TRIM24: variants seen among roughly 807,000 people sequenced by gnomAD.
TRIM24 encodes transcription intermediary factor 1-alpha.
A neutral mutation model predicts 123.9 loss-of-function variants in TRIM24; 29 were observed. The ratio of observed to expected loss-of-function variants is 0.23; its 90% CI spans 0.17 to 0.32. The LOEUF (loss-of-function observed/expected upper bound fraction) is 0.32, where lower values mean the gene tolerates loss of function less well. TRIM24 is among the 10% of genes least tolerant of loss of function. The pLI is 1.00. For synonymous variants in TRIM24, 456 were observed against 461.1 expected, an observed-to-expected ratio of 0.99 and a Z score of 0.14; for missense variants, 932 against 1,295.3, an observed-to-expected ratio of 0.72 and a Z score of 4.31.
rs1212041547 is a variant in TRIM24, at chr7:138,588,396, G to A, written c.*3445G>A. The A allele has an allele frequency of 6.6e-6, 1 of 152,192 alleles. No homozygotes were observed. Among genetic ancestry groups the A allele is most frequent in the Non-Finnish European group, 1.5e-5 (1 of 68,054 alleles). The allele number at this position is 152,192 out of a possible 1,614,324, so 9.4% of individuals were successfully genotyped here. On this transcript the variant is annotated 3_prime_UTR_variant, in exon 19 of 19. Coordinates refer to ENST00000343526, the MANE Select transcript of TRIM24 (RefSeq NM_015905.3). Reference sequence around the variant, plus strand: ...ATGAGAGAAATTGAGTGATCTGATTGGCCATTAAAATTATGGTGAATGGGT... The same window carrying A: ...ATGAGAGAAATTGAGTGATCTGATTAGCCATTAAAATTATGGTGAATGGGT...
At chr7:138,582,359 G>C (rs1374011836) in intron 17 of TRIM24, among the ~76,000 whole-genome samples, 1 of 152,016 alleles carries the variant, frequency 6.6e-6, no homozygotes, top group African/African-American at 2.4e-5. Flanking sequence ...TGGCTAACAC[G>C]GTGAAACCCC....
chr7:138,577,626 G>A (rs1240449241), intron 14 of TRIM24, 38 bp downstream of exon 14: 8 of 1,468,204 alleles, frequency 5.4e-6, no homozygotes, highest in African/African-American at 1.4e-5. Flanking sequence ...CCTATGCATG[G>A]TGGGTAGGGT....
At chr7:138,582,680 T>C (rs1270477383) in intron 17 of TRIM24, among the ~76,000 whole-genome samples, 1 of 151,462 alleles carries the variant, frequency 6.6e-6, no homozygotes, top group Non-Finnish European at 1.5e-5. Context: ...GATTGCGCCA[T>C]TGCTCTCCAG....
At chr7:138,561,723 T>G (rs1049481473) in intron 9 of TRIM24, among the ~76,000 whole-genome samples, 1 of 152,170 alleles carries the variant, frequency 6.6e-6, no homozygotes, top group African/African-American at 2.4e-5. Flanking sequence ...CAATTCCTTT[T>G]CACTCATGGA....
rs1163065664 is a variant in TRIM24 at position 138,528,790 on chromosome 7, C to G, written c.882-326C>G. ...CCTTTTTGGTCCACCCCCACCCCCC[C>G]CCCCATCCTTTTAGGTAGAGCATTG... On this transcript the variant is annotated intron_variant, in intron 5 of 18. Transcript: ENST00000343526. Among the ~76,000 whole-genome samples the G allele has an allele frequency of 4.4e-5, 5 of 114,402 alleles. 1 individual carries two copies. The highest frequency in any genetic ancestry group is 3.6e-4 in the South Asian group (1 of 2,758). 75.1% of individuals were successfully genotyped at this position (114,402 alleles called of 152,430 possible). A position where few individuals can be genotyped will look rare whatever the true frequency, so the allele number is the denominator to read the frequency against.
intron 1 of TRIM24, among the ~76,000 whole-genome samples, chr7:138,462,371 CG>C (rs1356332101): frequency 7.0e-6 from 1 of 142,422 alleles, no homozygotes; most frequent in African/African-American, 2.6e-5. Flanking sequence ...GACGGAGTCT[CG>C]CTCTGTCGCC....
chr7:138,476,953 G>T (rs1302239788), intron 1 of TRIM24, among the ~76,000 whole-genome samples: 1 of 152,064 alleles, frequency 6.6e-6, no homozygotes, highest in Non-Finnish European at 1.5e-5. Context: ...ATGTAAAAAA[G>T]GAATGAAAAA....
chr7:138,511,425 C>T (rs538129203), intron 2 of TRIM24, among the ~76,000 whole-genome samples: 5 of 151,968 alleles, frequency 3.3e-5, no homozygotes, highest in Non-Finnish European at 4.4e-5. Flanking sequence ...CTCAGCCTCC[C>T]GAGCAGCTGG....
In TRIM24 at chr7:138,586,689, A is replaced by G. The variant is rs1470077641; in HGVS notation, c.*1738A>G. 1.3e-5 allele frequency: 2 copies of G among 152,170 alleles called. No homozygotes were observed. The highest frequency in any genetic ancestry group is 2.4e-5 in the African/African-American group (1 of 41,436). The allele number at this position is 152,170 out of a possible 1,614,324, so 9.4% of individuals were successfully genotyped here. A position where few individuals can be genotyped will look rare whatever the true frequency, so the allele number is the denominator to read the frequency against. ...AACAGATTTTGATAACAGTGCATAC[A>G]CCTTTTGTCTTTTTTTGCTCCAGCA... On this transcript the variant is annotated 3_prime_UTR_variant, in exon 19 of 19. Transcript: ENST00000343526.
At chr7:138,508,872 A>G (rs1202993479) in intron 2 of TRIM24, among the ~76,000 whole-genome samples, 3 of 152,074 alleles carry the variant, frequency 2.0e-5, no homozygotes, top group African/African-American at 4.8e-5. Context: ...TTTGGAGACC[A>G]CAGTATGGTA....
intron 9 of TRIM24, among the ~76,000 whole-genome samples, chr7:138,557,619 G>A (rs1797341547): frequency 6.6e-6 from 1 of 152,136 alleles, no homozygotes; most frequent in Non-Finnish European, 1.5e-5. Flanking sequence ...TGGAACATGG[G>A]CTAATTTTTG....
chr7:138,466,463 C>CTGTTTTTTTTT, intron 1 of TRIM24, among the ~76,000 whole-genome samples: 1 of 74,064 alleles, frequency 1.4e-5, no homozygotes, highest in Non-Finnish European at 2.4e-5. Context: ...ACTTAAGTTG[C>CTGTTTTTTTTT]TTTTTTTTTT....
chr7:138,504,749 C>T (rs571323565), intron 2 of TRIM24, among the ~76,000 whole-genome samples: 63 of 150,954 alleles, frequency 4.2e-4, no homozygotes, highest in Non-Finnish European at 7.1e-4. Context: ...CGTGAGCCAC[C>T]GCACCTGGCC....
rs1300450944 is a variant in TRIM24, at chr7:138,501,321, C to A, written c.365-2969C>A. ...CTCGGCTCATTGCAACCTCTGCCTC[C>A]TGGGGTTCAAGCAGTTCTCCTGCCT... On this transcript the variant is annotated intron_variant, in intron 1 of 18. Transcript: ENST00000343526. Among the ~76,000 whole-genome samples, 6 of 152,040 alleles carry A rather than the reference C, an allele frequency of 3.9e-5. No homozygotes were observed. The South Asian group carries it at 1.2e-3, about 31-fold the overall frequency.
intron 7 of TRIM24, among the ~76,000 whole-genome samples, chr7:138,543,301 T>G (rs903046026): frequency 6.6e-6 from 1 of 152,226 alleles, no homozygotes; most frequent in Non-Finnish European, 1.5e-5. Context: ...TATTCTTGGT[T>G]AACTAAATTT....
intron 1 of TRIM24, among the ~76,000 whole-genome samples, chr7:138,470,185 C>T (rs543133737): frequency 7.9e-6 from 1 of 127,144 alleles, no homozygotes; most frequent in East Asian, 2.4e-4. Context: ...GGCTGGAGTG[C>T]AGTGGTGTGA....
intron 6 of TRIM24, among the ~76,000 whole-genome samples, chr7:138,533,058 G>T (rs1448821642): frequency 6.6e-6 from 1 of 152,154 alleles, no homozygotes; most frequent in Non-Finnish European, 1.5e-5. Context: ...TTTGCACATT[G>T]ATTTTGTATC....
At chr7:138,471,134 A>G (rs1212630455) in intron 1 of TRIM24, among the ~76,000 whole-genome samples, 2 of 152,250 alleles carry the variant, frequency 1.3e-5, no homozygotes, top group South Asian at 2.1e-4. Flanking sequence ...TCCATTACAA[A>G]TGATGGACCA....
intron 9 of TRIM24, among the ~76,000 whole-genome samples, chr7:138,564,126 G>A (rs1486850645): frequency 6.6e-6 from 1 of 152,188 alleles, no homozygotes; most frequent in Admixed American, 6.5e-5. Context: ...ATGTAGGAGG[G>A]GGTATGGTGT....
Sources: gnomAD v4.1 joint callset for allele counts (sites outside exome capture counted in the v4.1 genomes callset) on GRCh38, gnomAD v4.1.1 for gene constraint, MANE v1.5 for transcripts, NCBI Gene and HGNC (gene_info 2026-07-23, HGNC 2026-07-21) for gene names.